Variants in HIP1 observed in about 807,000 individuals in gnomAD.
The protein encoded by HIP1 is huntingtin-interacting protein 1.
In HIP1, 65 loss-of-function variants were observed where a neutral mutation model predicts 147.6. The ratio of observed to expected loss-of-function variants is 0.44; its 90% confidence interval spans 0.36 to 0.54. The LOEUF is 0.54. Ranked by LOEUF, HIP1 falls within the 20% of genes least tolerant of loss-of-function variation. The pLI is 0.00. For missense variants in HIP1, 1,061 were observed against 1,299.6 expected (o/e 0.82, Z 2.82); for synonymous variants, 479 against 504.0 (o/e 0.95, Z 0.67).
chr7:75,621,356 T>G (rs1161191707), intron 1 of HIP1, among the ~76,000 whole-genome samples: 1 of 152,156 alleles, frequency 6.6e-6, no homozygotes, highest in Non-Finnish European at 1.5e-5. Context: ...CCTAGAGGCC[T>G]CGTGGCTCAT....
chr7:75,583,754 ATT>A lies in HIP1; in HGVS notation c.466-1605_466-1604del, dbSNP rs1383888729. On this transcript the variant is annotated intron_variant, in intron 5 of 30. Coordinates refer to ENST00000336926, the MANE Select transcript of HIP1 (RefSeq NM_005338.7). ...CAGGCATACACCACCATGCGGGCTA[ATT>A]TGTGTGTGTGTGTGTGTGTGTGTGT... 2.5e-3 allele frequency among the ~76,000 whole-genome samples: 208 copies of A among 83,698 alleles called. 1 individual carries two copies. Among genetic ancestry groups the A allele is most frequent in the East Asian group, 1.2e-3 (4 of 3,300 alleles). 54.9% of individuals were successfully genotyped at this position (83,698 alleles called of 152,430 possible).
chr7:75,589,177 G>C (rs587704113), intron 4 of HIP1, among the ~76,000 whole-genome samples: 102 of 150,874 alleles, frequency 6.8e-4, no homozygotes, highest in African/African-American at 1.4e-3. Context: ...AGAAGAAGAA[G>C]AAGAAAAGAA....
At chr7:75,684,645 T>C (rs1338530193) in intron 1 of HIP1, among the ~76,000 whole-genome samples, 1 of 152,132 alleles carries the variant, frequency 6.6e-6, no homozygotes, top group East Asian at 1.9e-4. Flanking sequence ...CCAACGTATT[T>C]GGCTACCCTC....
At chr7:75,728,920 C>T (rs1386852789) in intron 1 of HIP1, among the ~76,000 whole-genome samples, 1 of 144,918 alleles carries the variant, frequency 6.9e-6, no homozygotes, top group Admixed American at 7.1e-5. Context: ...AAGTAGTTGT[C>T]AGTGAAGGGG....
Position 75,664,002 on chromosome 7 carries a change from A to ATG in HIP1, c.121-64757_121-64756dup, listed in dbSNP as rs1212711839. Among the ~76,000 whole-genome samples the ATG allele has an allele frequency of 7.5e-4, 21 of 27,910 alleles. 2 individuals carry two copies. Among genetic ancestry groups the ATG allele is most frequent in the South Asian group, 2.0e-3 (2 of 980 alleles). 18.3% of individuals were successfully genotyped at this position (27,910 alleles called of 152,430 possible). Reference sequence around the variant, plus strand: ...TATATGTGTATATATATACACATATATGTGTATATATATACACATATATGT... The same window carrying ATG: ...TATATGTGTATATATATACACATATATGTGTGTATATATATACACATATATGT... On this transcript the variant is annotated intron_variant, in intron 1 of 30. Coordinates refer to ENST00000336926, the MANE Select transcript of HIP1 (RefSeq NM_005338.7).
intron 25 of HIP1, among the ~76,000 whole-genome samples, chr7:75,546,576 T>C (rs1794572271): frequency 6.6e-6 from 1 of 152,222 alleles, no homozygotes; most frequent in African/African-American, 2.4e-5. Flanking sequence ...TAGAAACAGA[T>C]TAGGCCGAAC....
At chr7:75,620,362 G>T (rs896736421) in intron 1 of HIP1, among the ~76,000 whole-genome samples, 6 of 145,088 alleles carry the variant, frequency 4.1e-5, no homozygotes, top group Non-Finnish European at 8.9e-5. Flanking sequence ...CACCAGCCTG[G>T]GCAACAGAGC....
chr7:75,553,792 C>A (rs192658488), intron 21 of HIP1, among the ~76,000 whole-genome samples: 1 of 152,100 alleles, frequency 6.6e-6, no homozygotes, highest in Non-Finnish European at 1.5e-5. Flanking sequence ...TTAGTAGAGA[C>A]GGGGTTTCGC....
At chr7:75,613,435 T>A (rs984526152) in intron 1 of HIP1, among the ~76,000 whole-genome samples, 19 of 152,000 alleles carry the variant, frequency 1.3e-4, no homozygotes, top group African/African-American at 4.6e-4. Flanking sequence ...ATAATAATAA[T>A]CATCATAGAG....
At chr7:75,677,262 C>T (rs1799926613) in intron 1 of HIP1, among the ~76,000 whole-genome samples, 1 of 151,524 alleles carries the variant, frequency 6.6e-6, no homozygotes, top group African/African-American at 2.4e-5. Flanking sequence ...CAACAAATGT[C>T]CCTTGAGAGA....
At chr7:75,695,169 G>A (rs534953873) in intron 1 of HIP1, among the ~76,000 whole-genome samples, 4 of 152,164 alleles carry the variant, frequency 2.6e-5, no homozygotes, top group South Asian at 2.1e-4. Context: ...TGGAAATTCC[G>A]TGTGCATGGC....
chr7:75,690,040 C>T (rs911098154), intron 1 of HIP1, among the ~76,000 whole-genome samples: 3 of 151,690 alleles, frequency 2.0e-5, no homozygotes, highest in Admixed American at 6.6e-5. Flanking sequence ...GAGGCTGAGG[C>T]GGCGGGGGAT....
intron 1 of HIP1, among the ~76,000 whole-genome samples, chr7:75,725,084 G>A (rs190392652): frequency 1.1e-4 from 17 of 152,156 alleles, no homozygotes; most frequent in African/African-American, 4.1e-4. Flanking sequence ...GGAGTACGGT[G>A]GTGCCATCAT....
At chr7:75,541,740 A>C (rs1246022561) in intron 29 of HIP1, among the ~76,000 whole-genome samples, 179 bp downstream of exon 29, 11 of 151,894 alleles carry the variant, frequency 7.2e-5, no homozygotes, top group Admixed American at 6.6e-5. Context: ...AAAAAAAACA[A>C]GGTGATTCAC....
At chr7:75,592,605 T>C (rs950050428) in intron 2 of HIP1, 91 bp from the exon 3 acceptor site, 26 of 1,346,270 alleles carry the variant, frequency 1.9e-5, no homozygotes, top group Admixed American at 5.0e-5. Flanking sequence ...GGACTGAGCC[T>C]GCACCCAGCC....
At chr7:75,702,201 T>C (rs1196330522) in intron 1 of HIP1, among the ~76,000 whole-genome samples, 3 of 151,840 alleles carry the variant, frequency 2.0e-5, no homozygotes, top group Non-Finnish European at 4.4e-5. Context: ...ACCTCTGCCT[T>C]CGGAGTTCAA....
At chr7:75,662,889 G>C (rs1383600212) in intron 1 of HIP1, among the ~76,000 whole-genome samples, 1 of 152,162 alleles carries the variant, frequency 6.6e-6, no homozygotes, top group Non-Finnish European at 1.5e-5. Context: ...GACAGGGACA[G>C]AGCAAGTTCT....
At chr7:75,647,575 A>G (rs1798843545) in intron 1 of HIP1, among the ~76,000 whole-genome samples, 1 of 152,228 alleles carries the variant, frequency 6.6e-6, no homozygotes, top group South Asian at 2.1e-4. Context: ...GAAGGGACAC[A>G]TGAAAGGCGG....
intron 1 of HIP1, among the ~76,000 whole-genome samples, chr7:75,631,981 G>T (rs782280253): frequency 4.6e-5 from 7 of 152,122 alleles, no homozygotes; most frequent in Admixed American, 4.6e-4. Flanking sequence ...GGGAGGGGCT[G>T]TCTTAAAACC....
Sources: gnomAD v4.1 joint callset for allele counts (sites outside exome capture counted in the v4.1 genomes callset) on GRCh38, gnomAD v4.1.1 for gene constraint, MANE v1.5 for transcripts, NCBI Gene and HGNC (gene_info 2026-07-23, HGNC 2026-07-21) for gene names.